Variants in AUTS2 observed in about 807,000 individuals in gnomAD.
The protein encoded by AUTS2 is activator of transcription and developmental regulator AUTS2.
A neutral mutation model predicts 112.4 loss-of-function variants in AUTS2; 17 were observed. That is an observed-to-expected ratio of 0.15 (90% CI 0.10 to 0.23). The LOEUF is 0.23. AUTS2 is among the 10% of genes least tolerant of loss of function. AUTS2 has a pLI of 1.00. For synonymous variants in AUTS2, 751 were observed against 702.7 expected, an observed-to-expected ratio of 1.07 and a Z score of -1.09; for missense variants, 1,510 against 1,701.6, an observed-to-expected ratio of 0.89 and a Z score of 1.98.
chr7:70,211,768 C>T (rs1810912813), intron 4 of AUTS2, among the ~76,000 whole-genome samples: 1 of 152,034 alleles, frequency 6.6e-6, no homozygotes, highest in Admixed American at 6.6e-5. Context: ...AGGTGGATCA[C>T]GAGGTCAGGA....
intron 2 of AUTS2, among the ~76,000 whole-genome samples, chr7:70,104,094 T>C (rs2129570063): frequency 6.6e-6 from 1 of 151,924 alleles, no homozygotes. Flanking sequence ...TGTCTTTCCA[T>C]GTTGGCACAA....
intron 5 of AUTS2, among the ~76,000 whole-genome samples, chr7:70,640,590 T>G (rs540965991): frequency 1.7e-4 from 26 of 151,934 alleles, no homozygotes; most frequent in Non-Finnish European, 3.2e-4. Flanking sequence ...TGTGTGTGTG[T>G]GTGTAAGTGT....
At chr7:69,924,641 T>A (rs1002576255) in intron 2 of AUTS2, among the ~76,000 whole-genome samples, 1 of 152,110 alleles carries the variant, frequency 6.6e-6, no homozygotes, top group Non-Finnish European at 1.5e-5. Flanking sequence ...AACCTCTGCT[T>A]CCTGGGTTCA....
intron 15 of AUTS2, 182 bp downstream of exon 15, chr7:70,781,938 CT>C: frequency 1.5e-6 from 1 of 684,594 alleles, no homozygotes; most frequent in Non-Finnish European, 2.4e-6. Flanking sequence ...GATACACTCT[CT>C]TTCATTAAAG....
rs1289827919 is a variant in AUTS2 at position 70,360,571 on chromosome 7, C to T, written c.661-75181C>T. ...AATACCTGTGACAGGTGTATGACCC[C>T]GGCTCATGGTGGCCTTCTCACTCAC... On this transcript the variant is annotated intron_variant, in intron 4 of 18. Coordinates refer to ENST00000342771, the MANE Select transcript of AUTS2 (RefSeq NM_015570.4). Among the ~76,000 whole-genome samples, 8 of 152,296 alleles carry T rather than the reference C, an allele frequency of 5.3e-5. No homozygotes were observed. In the South Asian group the frequency reaches 1.0e-3, roughly 20 times the overall value.
intron 1 of AUTS2, among the ~76,000 whole-genome samples, chr7:69,861,909 G>C (rs1793003232): frequency 6.6e-6 from 1 of 152,230 alleles, no homozygotes; most frequent in East Asian, 1.9e-4. Flanking sequence ...TTGGTTTGCT[G>C]TTCTAGTTAG....
At chr7:70,348,460 C>A (rs545784359) in intron 4 of AUTS2, among the ~76,000 whole-genome samples, 118 of 152,242 alleles carry the variant, frequency 7.8e-4, no homozygotes, top group African/African-American at 2.7e-3. Flanking sequence ...ATTGAGCCAC[C>A]CCCATCACCA....
At chr7:69,902,053 A>G (rs1435017709) in intron 2 of AUTS2, among the ~76,000 whole-genome samples, 1 of 152,144 alleles carries the variant, frequency 6.6e-6, no homozygotes, top group Non-Finnish European at 1.5e-5. Context: ...CTCTGTGAAG[A>G]CATTTATTTA....
chr7:70,559,579 C>T (rs1028369537), intron 5 of AUTS2, among the ~76,000 whole-genome samples: 3 of 152,202 alleles, frequency 2.0e-5, no homozygotes, highest in African/African-American at 7.2e-5. Flanking sequence ...AGTGATCCAC[C>T]TGCCTTGGCC....
chr7:70,689,775 CAAAAAAAAAAAAA>C (rs60869776), intron 5 of AUTS2, among the ~76,000 whole-genome samples: 2 of 74,704 alleles, frequency 2.7e-5, no homozygotes, highest in South Asian at 6.1e-4. Context: ...GACTCCGTCT[CAAAAAAAAAAAAA>C]AAAAAAAAAA....
At position 70,631,541 on chromosome 7, in the gene AUTS2, G is replaced by A. The variant is rs1028337517; in HGVS notation, c.691-67028G>A. ...CAACCTAGAATGTGGGCTGGAGAGC[G>A]CTGTCCCAGTGGTGGCCCCGAGGCC... On this transcript the variant is annotated intron_variant, in intron 5 of 18. Transcript: ENST00000342771. This position sits in a 1 kb window ranked among gnomAD's most constrained non-coding sequence, Gnocchi z 4.5. 2.6e-5 allele frequency among the ~76,000 whole-genome samples: 4 copies of A among 152,168 alleles called. No homozygotes were observed. The highest frequency in any genetic ancestry group is 1.3e-4 in the Admixed American group (2 of 15,274).
intron 5 of AUTS2, among the ~76,000 whole-genome samples, chr7:70,568,847 A>G (rs1487228727): frequency 1.3e-5 from 2 of 152,266 alleles, no homozygotes; most frequent in African/African-American, 2.4e-5. Flanking sequence ...AAGTAAGCAC[A>G]TTCTTTTTCA....
Position 69,969,981 on chromosome 7 carries a change from A to C in AUTS2, c.522+70483A>C, listed in dbSNP as rs552638214. Among the ~76,000 whole-genome samples the C allele has an allele frequency of 2.6e-5, 4 of 152,322 alleles. No individual in the cohort carries two copies. The East Asian group carries it at 7.7e-4, about 29-fold the overall frequency. On this transcript the variant is annotated intron_variant, in intron 2 of 18. Coordinates refer to ENST00000342771, the MANE Select transcript of AUTS2 (RefSeq NM_015570.4). ...AAGAATGGCAAGTAACGCATGACCA[A>C]AAACATTGGCATAAGAGAATACTGT...
intron 5 of AUTS2, among the ~76,000 whole-genome samples, chr7:70,499,432 G>A (rs554542404): frequency 6.6e-6 from 1 of 152,316 alleles, no homozygotes; most frequent in Admixed American, 6.5e-5. Context: ...AGGATGGCCG[G>A]GGAACTGGGA....
At chr7:70,171,030 A>G (rs1056980042) in intron 4 of AUTS2, among the ~76,000 whole-genome samples, 2 of 152,222 alleles carry the variant, frequency 1.3e-5, no homozygotes, top group Non-Finnish European at 2.9e-5. Flanking sequence ...TCACTGAATG[A>G]TAGACGGAAA....
intron 2 of AUTS2, among the ~76,000 whole-genome samples, chr7:70,071,187 G>A (rs550036674): frequency 1.6e-4 from 25 of 152,228 alleles, no homozygotes; most frequent in Middle Eastern, 3.4e-3. Flanking sequence ...TTCCATTTGG[G>A]AATTCTGACT....
chr7:70,767,336 C>G (rs1360174176), intron 9 of AUTS2, among the ~76,000 whole-genome samples: 1 of 152,234 alleles, frequency 6.6e-6, no homozygotes, highest in East Asian at 1.9e-4. Context: ...AGCAATGAGG[C>G]CTTGTGACCA....
intron 2 of AUTS2, among the ~76,000 whole-genome samples, chr7:70,094,686 G>A (rs1215935598): frequency 2.0e-5 from 3 of 152,140 alleles, no homozygotes; most frequent in African/African-American, 7.2e-5. Context: ...GGGTTGCATG[G>A]CAGTACCCCA....
At chr7:69,889,836 C>T (rs1357983359) in intron 1 of AUTS2, among the ~76,000 whole-genome samples, 1 of 152,088 alleles carries the variant, frequency 6.6e-6, no homozygotes, top group Non-Finnish European at 1.5e-5. Context: ...CTTGGAGAGG[C>T]CTGAGAATTG....
Sources: gnomAD v4.1 joint callset for allele counts (sites outside exome capture counted in the v4.1 genomes callset) on GRCh38, gnomAD v4.1.1 for gene constraint, Gnocchi (gnomAD v3.1) non-coding constraint, MANE v1.5 for transcripts, NCBI Gene and HGNC (gene_info 2026-07-23, HGNC 2026-07-21) for gene names.